Variants in APBB2 observed in about 807,000 individuals in gnomAD.
APBB2 encodes Fe65-like 1.
A neutral mutation model predicts 82.5 loss-of-function variants in APBB2; 38 were observed. The ratio of observed to expected loss-of-function variants is 0.46; its 90% CI spans 0.36 to 0.60. The LOEUF (loss-of-function observed/expected upper bound fraction) is 0.60. Among genes scored for constraint, APBB2 ranks in the 20% least tolerant of loss-of-function variants. APBB2 has a pLI of 0.00. For synonymous variants in APBB2, 341 were observed against 368.2 expected (o/e 0.93, Z 0.85); for missense variants, 772 against 972.3 (o/e 0.79, Z 2.74).
At chr4:41,141,324 GTGTGTGTC>G (rs1759103342) in intron 2 of APBB2, among the ~76,000 whole-genome samples, 1 of 107,818 alleles carries the variant, frequency 9.3e-6, no homozygotes, top group African/African-American at 3.2e-5. Flanking sequence ...CTGTGTGTGT[GTGTGTGTC>G]TGTGTGTGTG....
At chr4:41,090,619 A>G (rs1741343278) in intron 3 of APBB2, among the ~76,000 whole-genome samples, 1 of 152,212 alleles carries the variant, frequency 6.6e-6, no homozygotes, top group South Asian at 2.1e-4. Flanking sequence ...AAGATATAGA[A>G]TGCTACAACA....
chr4:41,049,508 T>G (rs1471070212), intron 4 of APBB2, among the ~76,000 whole-genome samples: 5 of 130,426 alleles, frequency 3.8e-5, no homozygotes, highest in Non-Finnish European at 8.4e-5. Context: ...GGGAGGGAGG[T>G]GGGGGCCAGC....
At chr4:40,898,372 T>G (rs1323381712) in intron 10 of APBB2, among the ~76,000 whole-genome samples, 5 of 152,162 alleles carry the variant, frequency 3.3e-5, no homozygotes, top group Non-Finnish European at 5.9e-5. Flanking sequence ...CAAACGATTC[T>G]CCTGCCTCAG....
chr4:41,004,354 TCTTA>T (rs1163474563), intron 6 of APBB2, among the ~76,000 whole-genome samples: 3 of 152,206 alleles, frequency 2.0e-5, no homozygotes, highest in Non-Finnish European at 2.9e-5. Flanking sequence ...CTTTATCTTT[TCTTA>T]CTTACTGAGG....
intron 1 of APBB2, among the ~76,000 whole-genome samples, chr4:41,207,402 A>G (rs1464357692): frequency 6.6e-6 from 1 of 152,164 alleles, no homozygotes; most frequent in Non-Finnish European, 1.5e-5. Flanking sequence ...TGGCTATTAC[A>G]CAATTCTAGG....
At chr4:41,025,981 G>A (rs34709590) in intron 5 of APBB2, among the ~76,000 whole-genome samples, 39,574 of 149,756 alleles carry the variant, frequency 0.26, 6,439 homozygotes, top group East Asian at 0.54. Context: ...AGGAAAATGT[G>A]GTACATATAT....
chr4:40,973,210 A>G (rs573179340), intron 6 of APBB2, among the ~76,000 whole-genome samples: 4 of 152,300 alleles, frequency 2.6e-5, no homozygotes, highest in South Asian at 2.1e-4. Context: ...GGTTCGACCA[A>G]TAAGAGGCTC....
chr4:40,828,990 G>A (rs1006658173), intron 13 of APBB2, among the ~76,000 whole-genome samples: 7 of 152,190 alleles, frequency 4.6e-5, no homozygotes, highest in Non-Finnish European at 1.0e-4. Context: ...GTGGGAGTGA[G>A]GCTGGGTTAT....
At position 40,811,305 on chromosome 4, in the gene APBB2, A is replaced by ATACT. The variant is rs963018019; in HGVS notation, c.*4783_*4786dup. 3 of 152,200 alleles carry ATACT rather than the reference A, an allele frequency of 2.0e-5. No homozygotes were observed. The highest frequency in any genetic ancestry group is 4.4e-5 in the Non-Finnish European group (3 of 68,052). The allele number at this position is 152,200 out of a possible 1,614,324, so 9.4% of individuals were successfully genotyped here. ...TATGAGGCCGGACGTGGTGGCTCACATACTTTGGGAGGTTGGGGCGGGCGG... is the reference window on the plus strand; with the variant it reads ...TATGAGGCCGGACGTGGTGGCTCACATACTTACTTTGGGAGGTTGGGGCGGGCGG... On this transcript the variant is annotated 3_prime_UTR_variant, in exon 18 of 18. Transcript: ENST00000508593.
chr4:40,890,548 G>A (rs896676015), intron 11 of APBB2, 57 bp from the exon 12 acceptor site: 12 of 1,596,608 alleles, frequency 7.5e-6, no homozygotes, highest in Middle Eastern at 1.7e-4. Flanking sequence ...AAGCCTAATC[G>A]TGTGTGTGGC....
At chr4:41,068,924 T>C (rs895204722) in intron 3 of APBB2, among the ~76,000 whole-genome samples, 1 of 151,654 alleles carries the variant, frequency 6.6e-6, no homozygotes, top group Non-Finnish European at 1.5e-5. Context: ...GTCTCCTGAG[T>C]AGCTGGGATT....
chr4:40,891,932 CAT>C (rs889363550), intron 11 of APBB2, among the ~76,000 whole-genome samples: 3 of 150,532 alleles, frequency 2.0e-5, no homozygotes, highest in African/African-American at 4.9e-5. Context: ...TGGTGGGAAA[CAT>C]AGGCCTGGGT....
At chr4:41,171,833 C>T (rs1196668721) in intron 1 of APBB2, among the ~76,000 whole-genome samples, 3 of 149,730 alleles carry the variant, frequency 2.0e-5, no homozygotes, top group Non-Finnish European at 3.0e-5. Flanking sequence ...TGGTGGCAGC[C>T]GCCTGTAATC....
chr4:40,943,288 C>T (rs950783686), intron 7 of APBB2, among the ~76,000 whole-genome samples: 5 of 152,144 alleles, frequency 3.3e-5, no homozygotes, highest in Admixed American at 3.3e-4. Flanking sequence ...CCCTGGTGTT[C>T]TCTGGCTATA....
At chr4:40,951,285 T>G (rs953323073) in intron 6 of APBB2, among the ~76,000 whole-genome samples, 2 of 152,216 alleles carry the variant, frequency 1.3e-5, no homozygotes, top group African/African-American at 4.8e-5. Context: ...TATGTTTTTT[T>G]GCACAATTAA....
intron 1 of APBB2, among the ~76,000 whole-genome samples, chr4:41,165,810 C>T (rs1407500519): frequency 1.3e-5 from 2 of 151,868 alleles, no homozygotes; most frequent in South Asian, 2.1e-4. Context: ...AGCAAGTACA[C>T]GAACCCCTCC....
intron 12 of APBB2, among the ~76,000 whole-genome samples, chr4:40,840,391 G>T (rs1037965803): frequency 2.0e-5 from 3 of 152,154 alleles, no homozygotes; most frequent in African/African-American, 7.2e-5. Flanking sequence ...ATCTTGTTTT[G>T]AGAGTGGGAG....
intron 3 of APBB2, among the ~76,000 whole-genome samples, chr4:41,098,148 C>T (rs925431577): frequency 2.0e-5 from 3 of 151,858 alleles, no homozygotes; most frequent in South Asian, 2.1e-4. Flanking sequence ...CATCCTTCTG[C>T]GTATATAAAT....
Position 40,958,323 on chromosome 4 carries a change from G to A in APBB2, c.836-13250C>T, listed in dbSNP as rs116727210. ...TATTTCCTTTTAGAGTGTGCACATAGTATACAACATAGCACTACTGAGAAC... is the reference window on the plus strand; with the variant it reads ...TATTTCCTTTTAGAGTGTGCACATAATATACAACATAGCACTACTGAGAAC... On this transcript the variant is annotated intron_variant, in intron 6 of 17. Transcript: ENST00000508593. 1.2e-3 allele frequency among the ~76,000 whole-genome samples: 183 copies of A among 152,238 alleles called. 1 individual carries two copies. Among genetic ancestry groups the A allele is most frequent in the African/African-American group, 4.2e-3 (175 of 41,532 alleles).
Sources: allele counts gnomAD v4.1 joint callset (sites outside exome capture counted in the v4.1 genomes callset), GRCh38; gene constraint gnomAD v4.1.1; transcripts MANE v1.5; gene names NCBI Gene and HGNC (gene_info 2026-07-23, HGNC 2026-07-21).